VPS13D: variants seen among roughly 807,000 people sequenced by gnomAD.
The protein encoded by VPS13D is intermembrane lipid transfer protein VPS13D.
A neutral mutation model predicts 461.9 loss-of-function variants in VPS13D; 187 were observed. That is an observed-to-expected ratio of 0.40 (90% CI 0.36 to 0.46). The LOEUF is 0.46. VPS13D is among the 20% of genes least tolerant of loss of function. VPS13D has a pLI of 0.60. For missense variants in VPS13D, 4,711 were observed against 5,364.9 expected, an observed-to-expected ratio of 0.88 and a Z score of 3.81; for synonymous variants, 1,951 against 1,986.3, an observed-to-expected ratio of 0.98 and a Z score of 0.47.
chr1:12,479,097 A>C (rs534601468), intron 67 of VPS13D, among the ~76,000 whole-genome samples: 2 of 152,216 alleles, frequency 1.3e-5, no homozygotes, highest in African/African-American at 4.8e-5. Flanking sequence ...TGTCCATTCA[A>C]TAGGGAGGGC....
At chr1:12,259,447 C>G (rs1204610558) in intron 10 of VPS13D, among the ~76,000 whole-genome samples, 1 of 151,888 alleles carries the variant, frequency 6.6e-6, no homozygotes. Context: ...TCCTGAGTAG[C>G]TGCACGTCAC....
chr1:12,490,832 G>T (rs1462323238), intron 67 of VPS13D, among the ~76,000 whole-genome samples: 1 of 151,866 alleles, frequency 6.6e-6, no homozygotes, highest in Non-Finnish European at 1.5e-5. Context: ...TGCAGCCCAT[G>T]GCATGGTGGG....
intron 51 of VPS13D, 46 bp from the exon 52 acceptor site, chr1:12,363,026 C>T: frequency 6.2e-7 from 1 of 1,604,834 alleles, no homozygotes. Context: ...CACTTATTGT[C>T]ATGAATCGAC....
intron 61 of VPS13D, among the ~76,000 whole-genome samples, chr1:12,401,366 T>A (rs1185924214): frequency 6.6e-6 from 1 of 152,156 alleles, no homozygotes; most frequent in Non-Finnish European, 1.5e-5. Context: ...GAATCCTGAC[T>A]AATGAGGCCC....
intron 32 of VPS13D, 84 bp downstream of exon 32, chr1:12,319,714 T>C: frequency 6.3e-7 from 1 of 1,585,080 alleles, no homozygotes; most frequent in Non-Finnish European, 8.6e-7. Context: ...TCTTAAACTT[T>C]CATGAGGGGA....
At chr1:12,311,389 C>G (rs535776100) in intron 27 of VPS13D, 65 bp from the exon 28 acceptor site, 2 of 1,482,452 alleles carry the variant, frequency 1.3e-6, no homozygotes, top group Admixed American at 4.2e-5. Context: ...GTTGTTTGGG[C>G]GTGAGCTATG....
At chr1:12,234,478 T>A (rs1042992270) in intron 2 of VPS13D, 115 bp downstream of exon 2, 2 of 739,256 alleles carry the variant, frequency 2.7e-6, no homozygotes, top group Non-Finnish European at 4.3e-6. Flanking sequence ...GTACTAAATG[T>A]ATGTAAAAAG....
At chr1:12,327,916 G>T in intron 36 of VPS13D, 62 bp downstream of exon 36, 5 of 1,517,864 alleles carry the variant, frequency 3.3e-6, no homozygotes, top group Non-Finnish European at 1.8e-6. Flanking sequence ...TGAATTATTT[G>T]GGGCCTTTTT....
intron 39 of VPS13D, chr1:12,337,093 C>T (rs944783107): frequency 6.6e-6 from 1 of 152,052 alleles, no homozygotes; most frequent in Non-Finnish European, 1.5e-5. Context: ...CTCTCTTTCT[C>T]TATAGTTAAA....
intron 62 of VPS13D, 108 bp downstream of exon 62, chr1:12,401,812 C>T: frequency 1.2e-6 from 1 of 806,836 alleles, no homozygotes. Flanking sequence ...GGCTCCCTTT[C>T]CACATCTCAG....
intron 32 of VPS13D, among the ~76,000 whole-genome samples, chr1:12,320,461 C>A (rs562892716): frequency 2.6e-5 from 4 of 152,212 alleles, no homozygotes; most frequent in African/African-American, 9.6e-5. Flanking sequence ...TGGTATTGCT[C>A]AAAGTTTGAA....
intron 1 of VPS13D, among the ~76,000 whole-genome samples, chr1:12,232,097 T>G (rs1639996906): frequency 6.6e-6 from 1 of 152,218 alleles, no homozygotes; most frequent in Non-Finnish European, 1.5e-5. Flanking sequence ...CAAATGTAGC[T>G]AATAATTAGT....
rs749781178 is a variant in VPS13D at position 12,291,113 on chromosome 1, C to T, written c.5841C>T (p.Phe1947=). Residue 1947 remains phenylalanine, a synonymous_variant, in exon 23 of 70, where the codon TTC becomes TTT. Coordinates refer to ENST00000620676, the MANE Select transcript of VPS13D (RefSeq NM_015378.4). The part of the protein sequence containing the change: ...FTTSGEEALI[F]QTFKYGRPDP... ...CCAGTGGTGAAGAAGCACTCATCTT[C>T]CAGACTTTTAAGTAAAAATGTCAAT... 1 of 1,610,962 alleles carries T rather than the reference C, an allele frequency of 6.2e-7. No homozygotes were observed. Among genetic ancestry groups the T allele is most frequent in the East Asian group, 2.2e-5 (1 of 44,858 alleles).
At chr1:12,455,717 G>A (rs1025738152) in intron 65 of VPS13D, among the ~76,000 whole-genome samples, 4 of 152,022 alleles carry the variant, frequency 2.6e-5, no homozygotes, top group Non-Finnish European at 5.9e-5. Flanking sequence ...TCAGGAGTTC[G>A]AGACTAGCCT....
chr1:12,369,337 C>T, intron 53 of VPS13D, 130 bp from the exon 54 acceptor site: 1 of 808,238 alleles, frequency 1.2e-6, no homozygotes, highest in South Asian at 1.7e-5. Flanking sequence ...ATGAATTTCA[C>T]TGGGGCTTAT....
chr1:12,247,403 C>T (rs1640585955), intron 5 of VPS13D, among the ~76,000 whole-genome samples: 1 of 143,746 alleles, frequency 7.0e-6, no homozygotes, highest in Non-Finnish European at 1.5e-5. Flanking sequence ...GGCGACAAAG[C>T]GAGACTCCAT....
In VPS13D at chr1:12,335,795, G is replaced by T. The variant is rs1393915498; in HGVS notation, c.8519G>T (p.Gly2840Val). 6.2e-7 allele frequency: 1 copy of T among 1,614,100 alleles called. No homozygotes were observed. The change falls in exon 39 of 70, where the codon GGC (glycine) becomes GTC (valine). Residue 2840 changes from glycine (G) to valine (V), a missense_variant. By Grantham distance (109) the Gly-to-Val change is moderately radical (BLOSUM62 -3). Around this residue, in one of 3 missense-constraint regions of VPS13D, gnomAD observed 4,411 missense variants for 4,937.8 expected, o/e 0.89. Coordinates refer to ENST00000620676, the MANE Select transcript of VPS13D (RefSeq NM_015378.4). ...TCAGCTAAATCAGAAGACTGGATGG[G>T]CTCTTCGGTGGATCCTCCATGTTTT... is the stretch of plus-strand genomic sequence containing the variant. ...IESAKSEDWMGSSVDPPCFGQ... is the reference protein window; with the variant it reads ...IESAKSEDWMVSSVDPPCFGQ...
At chr1:12,371,030 G>A (rs1199702305) in intron 54 of VPS13D, among the ~76,000 whole-genome samples, 2 of 152,136 alleles carry the variant, frequency 1.3e-5, no homozygotes, top group East Asian at 3.9e-4. Context: ...TAAATGATGA[G>A]GAAGAATAGT....
intron 24 of VPS13D, 132 bp downstream of exon 24, chr1:12,293,836 A>G (rs1295250984): frequency 1.1e-6 from 1 of 903,562 alleles, no homozygotes; most frequent in East Asian, 2.8e-5. Flanking sequence ...TAGATTAGCT[A>G]CAGACATCTT....
Sources: allele counts gnomAD v4.1 joint callset (sites outside exome capture counted in the v4.1 genomes callset), GRCh38; gene constraint gnomAD v4.1.1; regional missense constraint gnomAD v4.1.1; transcripts MANE v1.5; gene names NCBI Gene and HGNC (gene_info 2026-07-23, HGNC 2026-07-21).